Variants in TRABD observed in about 807,000 individuals in gnomAD.
The protein encoded by TRABD is traB domain-containing protein.
TRABD carries 23 observed loss-of-function variants against 39.6 expected under a neutral mutation model. That is an observed-to-expected ratio of 0.58 (90% CI 0.42 to 0.82). The LOEUF is 0.82. Ranked by LOEUF, TRABD falls within the 40% of genes least tolerant of loss-of-function variation. TRABD has a pLI of 0.00. For synonymous variants in TRABD, 243 were observed against 232.1 expected (o/e 1.05, Z -0.43); for missense variants, 487 against 544.9 (o/e 0.89, Z 1.06).
chr22:50,192,885 C>A, intron 1 of TRABD, 142 bp from the exon 2 acceptor site: 1 of 619,136 alleles, frequency 1.6e-6, no homozygotes, highest in Non-Finnish European at 2.6e-6. Flanking sequence ...CTTTGATGGG[C>A]AGGAGGCATT....
intron 1 of TRABD, among the ~76,000 whole-genome samples, chr22:50,187,873 G>A (rs1466007882): frequency 1.3e-5 from 2 of 152,092 alleles, no homozygotes; most frequent in Non-Finnish European, 2.9e-5. Flanking sequence ...CCAGCTACTC[G>A]GGAGGCTGAG....
intron 4 of TRABD, 102 bp downstream of exon 4, chr22:50,194,608 C>T: frequency 6.7e-7 from 1 of 1,489,070 alleles, no homozygotes; most frequent in Non-Finnish European, 9.0e-7. Context: ...CGTGTGTGCG[C>T]ACCGCAGGCC....
intron 2 of TRABD, among the ~76,000 whole-genome samples, chr22:50,193,305 G>A (rs1055369105): frequency 2.0e-5 from 3 of 152,194 alleles, no homozygotes; most frequent in African/African-American, 7.2e-5. Context: ...AGCCGTGCCA[G>A]TGATGGCCAA....
At chr22:50,190,862 G>T (rs56009766) in intron 1 of TRABD, among the ~76,000 whole-genome samples, 4,498 of 152,324 alleles carry the variant, frequency 0.03, 207 homozygotes, top group African/African-American at 0.1. Flanking sequence ...CGGCCCAAGG[G>T]TCCGGGGCCT....
chr22:50,193,925 G>T (rs2063998534), intron 3 of TRABD, among the ~76,000 whole-genome samples: 2 of 152,274 alleles, frequency 1.3e-5, no homozygotes, highest in Non-Finnish European at 2.9e-5. Flanking sequence ...AGTGTGAGCG[G>T]CACGGGAGTC....
At chr22:50,189,426 C>T (rs779702651) in intron 1 of TRABD, among the ~76,000 whole-genome samples, 3 of 152,176 alleles carry the variant, frequency 2.0e-5, no homozygotes, top group African/African-American at 7.2e-5. Flanking sequence ...GGTGGACGTC[C>T]GTGCGGGGCA....
rs1172059127 is a variant in TRABD, at chr22:50,198,101, G to A, written c.871G>A (p.Val291Met). 7 of 1,612,754 alleles carry A rather than the reference G, an allele frequency of 4.3e-6. No homozygotes were observed. The highest frequency in any genetic ancestry group is 3.3e-5 in the Admixed American group (2 of 59,970). The change falls in exon 9 of 10, where the codon GTG (valine) becomes ATG (methionine). Residue 291 changes from valine (V) to methionine (M), a missense_variant. By Grantham distance (21) the Val-to-Met change is conservative. This residue lies in a region of TRABD where 358 missense variants were observed against 414.7 expected (regional missense o/e 0.86). Transcript: ENST00000380909. This position sits in a 1 kb window ranked among gnomAD's most constrained non-coding sequence, Gnocchi z 7.9. The part of the protein sequence containing the change: ...DAEPRKCVPS[V>M]VVGVVGMGHV... The stretch of plus-strand genomic sequence containing the variant: ...CGAGCCCAGGAAGTGCGTCCCCTCC[G>A]TGGTCGTGGGCGTCGTGGGCATGGG...
chr22:50,197,386 G>T, intron 6 of TRABD, 35 bp downstream of exon 6: 1 of 1,612,734 alleles, frequency 6.2e-7, no homozygotes, highest in Non-Finnish European at 8.5e-7. Context: ...TGGCCACAGG[G>T]ATGTGGCTCA....
chr22:50,186,279 G>T (rs1010423094), intron 1 of TRABD, among the ~76,000 whole-genome samples: 3 of 143,420 alleles, frequency 2.1e-5, no homozygotes, highest in African/African-American at 5.2e-5. Context: ...TGGGGGCCGG[G>T]CCCGGGTCAG....
At chr22:50,197,763 A>AGCGCCCCCCCCCCCCCCCCCGGG in intron 7 of TRABD, 60 bp from the exon 8 acceptor site, 1 of 1,439,784 alleles carries the variant, frequency 6.9e-7, no homozygotes, top group Non-Finnish European at 9.7e-7. Flanking sequence ...CCACAGTGCC[A>AGCGCCCCCCCCCCCCCCCCCGGG]GCCCCACCCC....
chr22:50,193,109 G>A lies in TRABD; in HGVS notation c.33+16G>A. The A allele has an allele frequency of 1.3e-6, 2 of 1,541,254 alleles. No individual in the cohort carries two copies. Among genetic ancestry groups the A allele is most frequent in the Non-Finnish European group, 1.7e-6 (2 of 1,145,768 alleles). ...ACCGCACGAGGTGAGGTGGAGGCTGGGCTGGCTGCACAGAGACAGGGGCGG... is the reference window on the plus strand; with the variant it reads ...ACCGCACGAGGTGAGGTGGAGGCTGAGCTGGCTGCACAGAGACAGGGGCGG... On this transcript the variant is annotated intron_variant, in intron 2 of 9. Transcript: ENST00000380909.
At chr22:50,186,563 G>T (rs1027524549) in intron 1 of TRABD, among the ~76,000 whole-genome samples, 1 of 152,252 alleles carries the variant, frequency 6.6e-6, no homozygotes, top group Middle Eastern at 3.4e-3. Context: ...AGCCACCCCC[G>T]CCTGCCGCCT....
chr22:50,186,569 C>T (rs1271295936), intron 1 of TRABD, among the ~76,000 whole-genome samples: 1 of 152,148 alleles, frequency 6.6e-6, no homozygotes, highest in Non-Finnish European at 1.5e-5. Flanking sequence ...CCCCGCCTGC[C>T]GCCTGCGGTG....
intron 1 of TRABD, among the ~76,000 whole-genome samples, chr22:50,191,550 T>C (rs2063907956): frequency 6.6e-6 from 1 of 152,130 alleles, no homozygotes; most frequent in African/African-American, 2.4e-5. Context: ...TGGGCAGCAG[T>C]AGTGACATGA....
In TRABD at chr22:50,198,456, G is replaced by T; in HGVS notation, c.1068G>T (p.Leu356=). ...GGATGGGCCGCCGCACCGCGAGCCT[G>T]GTCCTGTCGCTGCCCGCCGCGCAGT... is the stretch of plus-strand genomic sequence containing the variant. ...LYWMGRRTAS[L]VLSLPAAQYC... Residue 356 remains leucine (L), a synonymous_variant, in exon 10 of 10, where the codon CTG becomes CTT. Transcript: ENST00000380909. This position sits in a 1 kb window ranked among gnomAD's most constrained non-coding sequence, Gnocchi z 7.9. 9 of 1,595,674 alleles carry T rather than the reference G, an allele frequency of 5.6e-6. No individual in the cohort carries two copies. The highest frequency in any genetic ancestry group is 7.6e-6 in the Non-Finnish European group (9 of 1,176,826).
Position 50,198,062 on chromosome 22 carries a change from T to A in TRABD, c.845-13T>A. 1.2e-6 allele frequency: 2 copies of A among 1,612,350 alleles called. No individual in the cohort carries two copies. Among genetic ancestry groups the A allele is most frequent in the Non-Finnish European group, 1.7e-6 (2 of 1,179,538 alleles). The stretch of plus-strand genomic sequence containing the variant: ...GGCCCGAGCAGGTACTGACCCCTTG[T>A]CCTTCCCCACAGCCGAGCCCAGGAA... On this transcript the variant is annotated splice_polypyrimidine_tract_variant and intron_variant, in intron 8 of 9. Coordinates refer to ENST00000380909, the MANE Select transcript of TRABD (RefSeq NM_001320485.2). The surrounding 1 kb of genome is among the most constrained non-coding windows in gnomAD (Gnocchi z 7.9).
At chr22:50,193,500 G>A in intron 2 of TRABD, 76 bp from the exon 3 acceptor site, 6 of 1,387,872 alleles carry the variant, frequency 4.3e-6, no homozygotes, top group South Asian at 3.5e-5. Flanking sequence ...AGGGTACGTG[G>A]TCCGTGGAGT....
chr22:50,188,152 C>T (rs923291141), intron 1 of TRABD, among the ~76,000 whole-genome samples: 4 of 151,790 alleles, frequency 2.6e-5, no homozygotes, highest in Non-Finnish European at 5.9e-5. Flanking sequence ...TGGTGGCGCA[C>T]GCCTGTAATC....
chr22:50,193,882 G>T (rs1261898370), intron 3 of TRABD, among the ~76,000 whole-genome samples: 1 of 151,280 alleles, frequency 6.6e-6, no homozygotes. Flanking sequence ...GCACAGGCAG[G>T]CCCCTGGGCA....
Sources: allele counts gnomAD v4.1 joint callset (sites outside exome capture counted in the v4.1 genomes callset), GRCh38; gene constraint gnomAD v4.1.1; regional missense constraint gnomAD v4.1.1; non-coding constraint Gnocchi (gnomAD v3.1); transcripts MANE v1.5; gene names NCBI Gene and HGNC (gene_info 2026-07-23, HGNC 2026-07-21).